Variants in RAB36 observed in about 807,000 individuals in gnomAD.
RAB36 encodes RAB36, member RAS oncogene family.
Under a neutral mutation model 39.3 loss-of-function variants are expected in RAB36, and 33 were observed. The observed-to-expected ratio is 0.84, with a 90% CI of 0.64 to 1.12. The LOEUF is 1.12. RAB36 is among the 50% of genes most tolerant of loss of function. The probability of loss-of-function intolerance (pLI) is 0.00; values close to 1 mark genes in which losing one functional copy is unlikely to be tolerated. For missense variants in RAB36, 308 were observed against 355.3 expected, an observed-to-expected ratio of 0.87 and a Z score of 1.07; for synonymous variants, 133 against 140.2, an observed-to-expected ratio of 0.95 and a Z score of 0.36.
chr22:23,147,254 C>CA (rs2070833534), intron 2 of RAB36, among the ~76,000 whole-genome samples: 1 of 152,146 alleles, frequency 6.6e-6, no homozygotes, highest in African/African-American at 2.4e-5. Context: ...AAATTGAGTA[C>CA]AACCTCCATA....
At chr22:23,153,190 A>G in intron 5 of RAB36, 56 bp downstream of exon 5, 2 of 1,329,310 alleles carry the variant, frequency 1.5e-6, no homozygotes, top group Non-Finnish European at 1.1e-6. Context: ...CACCTGAGAA[A>G]GGATTTGGGG....
Position 23,161,634 on chromosome 22 carries a change from G to C in RAB36, c.*70G>C. ...CAGGAATTTCCGTGACTGTGGTGTG[G>C]AGACTGGAGCCCAAGCTCTGCAGCG... On this transcript the variant is annotated 3_prime_UTR_variant, in exon 11 of 11. Coordinates refer to ENST00000263116, the MANE Select transcript of RAB36 (RefSeq NM_004914.5). 3 of 1,320,888 alleles carry C rather than the reference G, an allele frequency of 2.3e-6. No homozygotes were observed. The highest frequency in any genetic ancestry group is 1.1e-6 in the Non-Finnish European group (1 of 952,076). The allele number at this position is 1,320,888 out of a possible 1,614,324, so 81.8% of individuals were successfully genotyped here. A position where few individuals can be genotyped will look rare whatever the true frequency, so the allele number is the denominator to read the frequency against.
Position 23,154,180 on chromosome 22 carries a change from C to T in RAB36, c.329+1046C>T, listed in dbSNP as rs565025439. Among the ~76,000 whole-genome samples, 13 of 152,198 alleles carry T rather than the reference C, an allele frequency of 8.5e-5. No individual in the cohort carries two copies. In the East Asian group the frequency reaches 9.7e-4, roughly 11 times the overall value. ...AGAATGCTGCAGGCCTGCCTGGGCT[C>T]GGGCCCTCACCTCTACTCTCCTGTG... On this transcript the variant is annotated intron_variant, in intron 5 of 10. Transcript: ENST00000263116.
At chr22:23,153,978 C>T (rs953048319) in intron 5 of RAB36, among the ~76,000 whole-genome samples, 2 of 152,110 alleles carry the variant, frequency 1.3e-5, no homozygotes, top group African/African-American at 4.8e-5. Context: ...TGTGAGCCAC[C>T]GTACCCGGCC....
intron 3 of RAB36, among the ~76,000 whole-genome samples, chr22:23,152,050 G>A (rs575373529): frequency 1.3e-5 from 2 of 152,306 alleles, no homozygotes; most frequent in African/African-American, 4.8e-5. Flanking sequence ...CCCTTTTGCC[G>A]GGGTCTCCCT....
At chr22:23,145,453 G>T, upstream of RAB36, 1 of 1,610,524 alleles carries the variant, frequency 6.2e-7, no homozygotes, top group Non-Finnish European at 8.5e-7. Flanking sequence ...GATTCGTGTA[G>T]CCCGCAGGTC....
chr22:23,155,525 G>GA (rs1243185058), intron 5 of RAB36, among the ~76,000 whole-genome samples: 2 of 152,192 alleles, frequency 1.3e-5, no homozygotes, highest in East Asian at 1.9e-4. Context: ...GTGAAGCAAT[G>GA]ACCCAGTCAC....
rs777972544 is a variant in RAB36 at position 23,146,692 on chromosome 22, A to G, written c.69+7A>G. 2.5e-6 allele frequency: 4 copies of G among 1,613,504 alleles called. No individual in the cohort carries two copies. Among genetic ancestry groups the G allele is most frequent in the South Asian group, 1.1e-5 (1 of 91,080 alleles). On this transcript the variant is annotated splice_region_variant and intron_variant, in intron 2 of 10. Coordinates refer to ENST00000263116, the MANE Select transcript of RAB36 (RefSeq NM_004914.5). ...CATCGCCAGCTTCCCTAAGGTAGAG[A>G]GTCATTACGTCTGCAGTGCTCTCCT...
At chr22:23,167,052 T>C (rs2072065334), downstream of RAB36, among the ~76,000 whole-genome samples, 1 of 152,042 alleles carries the variant, frequency 6.6e-6, no homozygotes, top group African/African-American at 2.4e-5. Context: ...TGCAGACAGC[T>C]GAAGAGATGG....
chr22:23,157,600 C>G (rs763998581), intron 6 of RAB36, among the ~76,000 whole-genome samples: 1 of 152,200 alleles, frequency 6.6e-6, no homozygotes, highest in Non-Finnish European at 1.5e-5. Flanking sequence ...TTAATCCTCA[C>G]AGCAACCCTG....
rs539967359 is a variant in RAB36 at position 23,155,792 on chromosome 22, A to T, written c.330-176A>T. Among the ~76,000 whole-genome samples the T allele has an allele frequency of 2.0e-5, 3 of 152,332 alleles. No individual in the cohort carries two copies. In the South Asian group the frequency reaches 6.2e-4, roughly 32 times the overall value. On this transcript the variant is annotated intron_variant, in intron 5 of 10. Coordinates refer to ENST00000263116, the MANE Select transcript of RAB36 (RefSeq NM_004914.5). ...AGTCCACTGGGGGCACCCTAGGAAGAGATCATAAGGAGCTGGGGGTAGGGA... is the reference window on the plus strand; with the variant it reads ...AGTCCACTGGGGGCACCCTAGGAAGTGATCATAAGGAGCTGGGGGTAGGGA...
downstream of RAB36, among the ~76,000 whole-genome samples, chr22:23,168,987 C>T (rs572967610): frequency 7.9e-5 from 12 of 152,312 alleles, no homozygotes; most frequent in South Asian, 2.1e-3. Flanking sequence ...TCTTCGGGAA[C>T]GAGCTCATCT....
At chr22:23,161,346 G>T (rs5759617) in intron 10 of RAB36, among the ~76,000 whole-genome samples, 154 bp from the exon 11 acceptor site, 77,793 of 152,034 alleles carry the variant, frequency 0.51, 20,086 homozygotes, top group East Asian at 0.65. Flanking sequence ...GTGCCTGGAA[G>T]GCCCTCTCTT....
intron 6 of RAB36, 137 bp downstream of exon 6, chr22:23,156,169 A>G (rs1172296663): frequency 3.9e-6 from 2 of 513,984 alleles, no homozygotes; most frequent in Admixed American, 9.0e-5. Flanking sequence ...ACACCAGGCC[A>G]CTGCTTGGGA....
At chr22:23,150,696 G>A (rs1307873189) in intron 3 of RAB36, among the ~76,000 whole-genome samples, 1 of 152,094 alleles carries the variant, frequency 6.6e-6, no homozygotes, top group African/African-American at 2.4e-5. Flanking sequence ...TTCAGCCTCA[G>A]GTCTTGGTAC....
At chr22:23,156,599 A>C (rs1041389575) in intron 6 of RAB36, among the ~76,000 whole-genome samples, 1 of 152,256 alleles carries the variant, frequency 6.6e-6, no homozygotes, top group Non-Finnish European at 1.5e-5. Context: ...AATGGATTTC[A>C]GTGGGAGATG....
chr22:23,161,485 C>A lies in RAB36; in HGVS notation c.740-15C>A. 6.2e-7 allele frequency: 1 copy of A among 1,600,188 alleles called. No homozygotes were observed. Among genetic ancestry groups the A allele is most frequent in the Non-Finnish European group, 8.6e-7 (1 of 1,168,014 alleles). ...ATTCCTGGTTGATGCTAAATTACTT[C>A]TCCCCTCCTTACAGAAATGGAAGGG... On this transcript the variant is annotated splice_polypyrimidine_tract_variant and intron_variant, in intron 10 of 10. Transcript: ENST00000263116.
intron 5 of RAB36, among the ~76,000 whole-genome samples, chr22:23,154,512 A>AG (rs2146542692): frequency 6.6e-6 from 1 of 152,322 alleles, no homozygotes; most frequent in African/African-American, 2.4e-5. Flanking sequence ...TGCAGGACTG[A>AG]GGGATCCAGA....
intron 7 of RAB36, among the ~76,000 whole-genome samples, chr22:23,158,586 G>A (rs2071593093): frequency 6.6e-6 from 1 of 152,256 alleles, no homozygotes; most frequent in Admixed American, 6.5e-5. Context: ...CCGTGAGGGA[G>A]GCGGGGGTGA....
Sources: gnomAD v4.1 joint callset for allele counts (sites outside exome capture counted in the v4.1 genomes callset) on GRCh38, gnomAD v4.1.1 for gene constraint, MANE v1.5 for transcripts, NCBI Gene and HGNC (gene_info 2026-07-23, HGNC 2026-07-21) for gene names.